The following CCDC178 variants were observed in gnomAD, a reference collection of about 807,000 sequenced individuals.
CCDC178 encodes the protein coiled-coil domain containing 178.
CCDC178 carries 126 observed loss-of-function variants against 117.4 expected under a neutral mutation model. The observed-to-expected ratio is 1.07, with a 90% CI of 0.93 to 1.24. CCDC178 has a LOEUF of 1.24. CCDC178 is among the 50% of genes most tolerant of loss of function. CCDC178 has a pLI of 0.00. For synonymous variants in CCDC178, 283 were observed against 313.4 expected (o/e 0.90, Z 1.02); for missense variants, 1,030 against 986.9 (o/e 1.04, Z -0.59).
intron 21 of CCDC178, among the ~76,000 whole-genome samples, chr18:33,079,219 GAAA>G (rs2057260121): frequency 6.6e-6 from 1 of 152,134 alleles, no homozygotes; most frequent in Admixed American, 6.6e-5. Flanking sequence ...TAACTGGCTA[GAAA>G]TATGCAGAAG....
chr18:33,210,243 G>C (rs2059091708), intron 20 of CCDC178, among the ~76,000 whole-genome samples: 1 of 151,936 alleles, frequency 6.6e-6, no homozygotes, highest in East Asian at 1.9e-4. Context: ...GCAGGAGATA[G>C]GCAGACAAAA....
At chr18:33,126,020 T>A (rs1329175307) in intron 20 of CCDC178, among the ~76,000 whole-genome samples, 4 of 151,978 alleles carry the variant, frequency 2.6e-5, no homozygotes, top group African/African-American at 9.7e-5. Flanking sequence ...GGCAGGAGAT[T>A]TTTAGTTTTG....
chr18:33,238,532 A>G (rs1337354995), intron 15 of CCDC178, among the ~76,000 whole-genome samples: 1 of 152,158 alleles, frequency 6.6e-6, no homozygotes, highest in African/African-American at 2.4e-5. Flanking sequence ...AAGAGCTTCA[A>G]TAATAGACTA....
intron 14 of CCDC178, among the ~76,000 whole-genome samples, chr18:33,256,921 T>C (rs149077839): frequency 6.7e-4 from 102 of 152,236 alleles, no homozygotes; most frequent in South Asian, 1.7e-3. Context: ...TTTGTTCCCA[T>C]TAACTATTTA....
chr18:33,313,983 G>A (rs1170839191), intron 11 of CCDC178, among the ~76,000 whole-genome samples: 5 of 151,510 alleles, frequency 3.3e-5, no homozygotes, highest in East Asian at 3.9e-4. Context: ...GGCGGATCAC[G>A]AGGTCAGGAG....
chr18:33,126,611 TC>T (rs1288507341), intron 20 of CCDC178, among the ~76,000 whole-genome samples: 5 of 151,848 alleles, frequency 3.3e-5, no homozygotes, highest in Non-Finnish European at 7.4e-5. Flanking sequence ...AAGTTGGTCC[TC>T]CTGTATGCGT....
intron 15 of CCDC178, among the ~76,000 whole-genome samples, chr18:33,239,582 A>G (rs905187343): frequency 4.6e-5 from 7 of 151,920 alleles, no homozygotes; most frequent in Admixed American, 4.6e-4. Context: ...GACAAATCAG[A>G]CTTCAAATGA....
intron 10 of CCDC178, among the ~76,000 whole-genome samples, chr18:33,331,237 T>C (rs2062664713): frequency 6.6e-6 from 1 of 151,958 alleles, no homozygotes; most frequent in South Asian, 2.1e-4. Flanking sequence ...AAATATTAAC[T>C]AAATTGTGAG....
At chr18:33,324,749 T>C (rs2145015240) in intron 10 of CCDC178, among the ~76,000 whole-genome samples, 1 of 152,066 alleles carries the variant, frequency 6.6e-6, no homozygotes, top group South Asian at 2.1e-4. Flanking sequence ...TCTACATTAA[T>C]TGTCCCTTTA....
chr18:32,948,407 A>G (rs1237953499), intron 22 of CCDC178, among the ~76,000 whole-genome samples: 1 of 152,104 alleles, frequency 6.6e-6, no homozygotes, highest in Admixed American at 6.5e-5. Context: ...TGTGGCACAG[A>G]AGTATAAATT....
intron 20 of CCDC178, among the ~76,000 whole-genome samples, chr18:33,110,246 C>T (rs886247737): frequency 7.3e-5 from 11 of 151,422 alleles, no homozygotes; most frequent in African/African-American, 2.2e-4. Flanking sequence ...CTTATGCTGC[C>T]TGTCTTTATT....
At chr18:33,363,206 G>T (rs559556407) in intron 6 of CCDC178, among the ~76,000 whole-genome samples, 9 of 151,938 alleles carry the variant, frequency 5.9e-5, no homozygotes, top group Admixed American at 3.3e-4. Context: ...TAAAGCAAAA[G>T]AATATGGCTG....
intron 21 of CCDC178, among the ~76,000 whole-genome samples, chr18:33,016,658 T>G (rs2055998308): frequency 6.6e-6 from 1 of 152,046 alleles, no homozygotes; most frequent in African/African-American, 2.4e-5. Flanking sequence ...TGGGGTCAAG[T>G]TTTTGAATAC....
intron 20 of CCDC178, among the ~76,000 whole-genome samples, chr18:33,193,941 A>G (rs777446633): frequency 3.3e-5 from 5 of 152,200 alleles, no homozygotes; most frequent in African/African-American, 4.8e-5. Context: ...GTGTGTCTGC[A>G]TCATCACATG....
chr18:33,073,504 C>CATCTATCTATCTATCTATCT (rs11468119), intron 21 of CCDC178, among the ~76,000 whole-genome samples: 1 of 142,018 alleles, frequency 7.0e-6, no homozygotes. Flanking sequence ...CTATAGTCAG[C>CATCTATCTATCTATCTATCT]ATCTATCTAT....
At position 33,022,952 on chromosome 18, in the gene CCDC178, T is replaced by C. The variant is rs2056151553; in HGVS notation, c.2389-48271A>G. ...GAATGACTGTGTTGATATCAAACAA[T>C]CTTGACTTTATGTCAAAGAAAATAA... On this transcript the variant is annotated intron_variant, in intron 21 of 22. Coordinates refer to ENST00000383096, the MANE Select transcript of CCDC178 (RefSeq NM_001105528.4). Among the ~76,000 whole-genome samples, 2 of 152,014 alleles carry C rather than the reference T, an allele frequency of 1.3e-5. 1 individual carries two copies.
intron 20 of CCDC178, among the ~76,000 whole-genome samples, chr18:33,163,844 G>T (rs923246224): frequency 1.3e-5 from 2 of 152,084 alleles, no homozygotes; most frequent in Non-Finnish European, 2.9e-5. Flanking sequence ...TTACTGTGCA[G>T]CAATAATTTT....
rs576887849 is a variant in CCDC178, at chr18:33,106,314, G to C, written c.2239-13404C>G. Among the ~76,000 whole-genome samples, 6 of 151,786 alleles carry C rather than the reference G, an allele frequency of 4.0e-5. No homozygotes were observed. The South Asian group carries it at 1.2e-3, about 31-fold the overall frequency. ...TTTCCCAAGAAAATAAAGAAAGGAA[G>C]GAAGGAAGAAAGAAAGAGCAAGTCT... is the stretch of plus-strand genomic sequence containing the variant. On this transcript the variant is annotated intron_variant, in intron 20 of 22. Transcript: ENST00000383096.
At chr18:33,263,911 TA>T (rs56982183) in intron 14 of CCDC178, among the ~76,000 whole-genome samples, 28 of 149,600 alleles carry the variant, frequency 1.9e-4, no homozygotes, top group East Asian at 5.9e-4. Context: ...TACACATGGT[TA>T]AAAAAAAAAT....
Sources: allele counts gnomAD v4.1 joint callset (sites outside exome capture counted in the v4.1 genomes callset), GRCh38; gene constraint gnomAD v4.1.1; transcripts MANE v1.5; gene names NCBI Gene and HGNC (gene_info 2026-07-23, HGNC 2026-07-21).